CTNNA3: variants seen among roughly 807,000 people sequenced by gnomAD.
The protein encoded by CTNNA3 is catenin alpha-3.
A neutral mutation model predicts 95.7 loss-of-function variants in CTNNA3; 76 were observed. The ratio of observed to expected loss-of-function variants is 0.79; its 90% CI spans 0.66 to 0.96. The LOEUF (loss-of-function observed/expected upper bound fraction) is 0.96, where lower values mean the gene tolerates loss of function less well. CTNNA3 is among the 40% of genes least tolerant of loss of function. The probability of loss-of-function intolerance (pLI) is 0.00; values close to 1 mark genes in which losing one functional copy is unlikely to be tolerated. For synonymous variants in CTNNA3, 431 were observed against 374.4 expected (o/e 1.15, Z -1.74); for missense variants, 1,191 against 1,089.8 (o/e 1.09, Z -1.31).
chr10:67,561,341 AAACT>A (rs1564741105), intron 3 of CTNNA3, among the ~76,000 whole-genome samples: 1 of 108,970 alleles, frequency 9.2e-6, no homozygotes, highest in African/African-American at 4.5e-5. Flanking sequence ...CACTCACTCA[AAACT>A]GCTCAGCTAC....
At chr10:66,263,182 G>A (rs777012761) in intron 13 of CTNNA3, among the ~76,000 whole-genome samples, 1 of 151,876 alleles carries the variant, frequency 6.6e-6, no homozygotes, top group Admixed American at 6.6e-5. Context: ...GAACACAGCA[G>A]GGGGAAGCAT....
intron 10 of CTNNA3, among the ~76,000 whole-genome samples, chr10:66,617,410 G>T (rs12260229): frequency 0.26 from 39,508 of 151,862 alleles, 5,898 homozygotes; most frequent in Non-Finnish European, 0.35. Flanking sequence ...TTCAATATAC[G>T]CAAATCAATA....
rs758882774 is a variant in CTNNA3 at position 65,966,644 on chromosome 10, G to C, written c.2368C>G (p.Gln790Glu). The C allele has an allele frequency of 1.3e-5, 21 of 1,613,738 alleles. No homozygotes were observed. Among genetic ancestry groups the C allele is most frequent in the East Asian group, 1.1e-4 (5 of 44,868 alleles). Reference sequence around the variant, plus strand: ...ATGATGAGCTCTCCTCCCAGGTTCTGGATCTCAGCTTTAACTTGACTGCAG... The same window carrying C: ...ATGATGAGCTCTCCTCCCAGGTTCTCGATCTCAGCTTTAACTTGACTGCAG... The part of the protein sequence containing the change: ...KICSQVKAEI[Q>E]NLGGELIMSA... Residue 790 changes from glutamine to glutamate, a missense_variant, in exon 17 of 18, where the codon CAG becomes GAG. Physicochemically the swap from Gln to Glu is conservative, Grantham distance 29. Coordinates refer to ENST00000433211, the MANE Select transcript of CTNNA3 (RefSeq NM_013266.4).
chr10:67,726,438 TAATATATA>T (rs1564841157), intron 1 of CTNNA3, among the ~76,000 whole-genome samples: 5 of 71,630 alleles, frequency 7.0e-5, no homozygotes, highest in East Asian at 1.0e-3. Context: ...ATATCATATA[TAATATATA>T]ATATTATATA....
At chr10:66,619,667 C>T (rs1212166206) in intron 10 of CTNNA3, among the ~76,000 whole-genome samples, 1 of 149,428 alleles carries the variant, frequency 6.7e-6, no homozygotes, top group Non-Finnish European at 1.5e-5. Flanking sequence ...ACATATGTAA[C>T]TAACCTGCAC....
chr10:66,562,886 C>T (rs775806076), intron 10 of CTNNA3, among the ~76,000 whole-genome samples: 3 of 151,990 alleles, frequency 2.0e-5, no homozygotes, highest in Non-Finnish European at 4.4e-5. Context: ...CATCCTAACT[C>T]CAACATAGCA....
chr10:65,998,869 C>T (rs1283870889), intron 15 of CTNNA3, among the ~76,000 whole-genome samples: 1 of 152,082 alleles, frequency 6.6e-6, no homozygotes, highest in Non-Finnish European at 1.5e-5. Flanking sequence ...GATCAAAGAA[C>T]TCTATACCTG....
intron 5 of CTNNA3, among the ~76,000 whole-genome samples, chr10:67,356,192 C>T (rs969566587): frequency 2.0e-5 from 3 of 152,058 alleles, no homozygotes; most frequent in African/African-American, 7.2e-5. Flanking sequence ...TGAATACTGC[C>T]TCCACCTCTT....
chr10:67,259,663 T>C (rs779897272), intron 5 of CTNNA3, among the ~76,000 whole-genome samples: 43 of 152,336 alleles, frequency 2.8e-4, no homozygotes, highest in Middle Eastern at 3.4e-3. Context: ...TGACTATTTT[T>C]GCGCCACTTT....
chr10:66,534,213 A>G (rs973133823), intron 10 of CTNNA3, among the ~76,000 whole-genome samples: 2 of 152,098 alleles, frequency 1.3e-5, no homozygotes, highest in African/African-American at 2.4e-5. Flanking sequence ...TAATTATATT[A>G]CTTGGTTAGC....
intron 9 of CTNNA3, among the ~76,000 whole-genome samples, chr10:66,724,143 G>A (rs1379313742): frequency 6.6e-6 from 1 of 152,092 alleles, no homozygotes; most frequent in Admixed American, 6.6e-5. Flanking sequence ...CCAAGCAGGA[G>A]AAGAAACGAT....
At chr10:66,391,335 G>A (rs2092932369) in intron 11 of CTNNA3, among the ~76,000 whole-genome samples, 1 of 152,032 alleles carries the variant, frequency 6.6e-6, no homozygotes, top group Non-Finnish European at 1.5e-5. Flanking sequence ...GAAAGTCATT[G>A]AAGGCTTCAT....
intron 7 of CTNNA3, among the ~76,000 whole-genome samples, chr10:67,073,642 C>CA (rs1589698845): frequency 1.3e-5 from 2 of 149,346 alleles, no homozygotes; most frequent in South Asian, 2.1e-4. Flanking sequence ...GAATCACACA[C>CA]AAAAAATAAT....
At chr10:66,834,756 T>C (rs1842834124) in intron 7 of CTNNA3, among the ~76,000 whole-genome samples, 1 of 152,172 alleles carries the variant, frequency 6.6e-6, no homozygotes, top group Non-Finnish European at 1.5e-5. Flanking sequence ...CTCGTGAAAA[T>C]CTTTTAAATC....
At chr10:66,410,059 C>T (rs988572851) in intron 11 of CTNNA3, among the ~76,000 whole-genome samples, 1 of 152,190 alleles carries the variant, frequency 6.6e-6, no homozygotes, top group Non-Finnish European at 1.5e-5. Context: ...AAGCAATAAA[C>T]ATCCAGACAA....
At chr10:67,274,824 T>C (rs1190279524) in intron 5 of CTNNA3, among the ~76,000 whole-genome samples, 1 of 152,076 alleles carries the variant, frequency 6.6e-6, no homozygotes, top group East Asian at 1.9e-4. Flanking sequence ...ATAGACTCTG[T>C]CTCAATAAAA....
chr10:67,030,988 G>T (rs11814075), intron 7 of CTNNA3, among the ~76,000 whole-genome samples: 8,652 of 152,164 alleles, frequency 0.057, 319 homozygotes, highest in Non-Finnish European at 0.08. Context: ...TGGGCAACAA[G>T]AGCGAAACTC....
At chr10:66,370,937 G>A (rs1412088706) in intron 12 of CTNNA3, among the ~76,000 whole-genome samples, 2 of 152,028 alleles carry the variant, frequency 1.3e-5, no homozygotes, top group Non-Finnish European at 2.9e-5. Context: ...TGCCTAGGCT[G>A]ATCTCGAACA....
rs141885331 is a variant in CTNNA3, at chr10:66,551,896, CTTTTTTT to C, written c.1375-31130_1375-31124del. Among the ~76,000 whole-genome samples, 742 of 113,954 alleles carry C rather than the reference CTTTTTTT, an allele frequency of 6.5e-3. 7 individuals are homozygous for C. Among genetic ancestry groups the C allele is most frequent in the African/African-American group, 0.021 (666 of 31,044 alleles). The allele number at this position is 113,954 out of a possible 152,430, so 74.8% of individuals were successfully genotyped here. On this transcript the variant is annotated intron_variant, in intron 10 of 17. Transcript: ENST00000433211. ...CGGGATTAGGGAATCTTTTCTTTTC[CTTTTTTT>C]TTTTTTTTTTTTTTTCTGAGACAGA...
Sources: allele counts gnomAD v4.1 joint callset (sites outside exome capture counted in the v4.1 genomes callset), GRCh38; gene constraint gnomAD v4.1.1; transcripts MANE v1.5; gene names NCBI Gene and HGNC (gene_info 2026-07-23, HGNC 2026-07-21).